NEUROD4: variants seen among roughly 807,000 people sequenced by gnomAD.
NEUROD4 encodes the protein neurogenic differentiation factor 4.
Under a neutral mutation model 19.8 loss-of-function variants are expected in NEUROD4, and 16 were observed. That is an observed-to-expected ratio of 0.81 (90% CI 0.55 to 1.23). NEUROD4 has a LOEUF of 1.23. Among genes scored for constraint, NEUROD4 ranks in the 50% most tolerant of loss-of-function variants. The probability of loss-of-function intolerance (pLI) is 0.00; values close to 1 mark genes in which losing one functional copy is unlikely to be tolerated. For synonymous variants in NEUROD4, 153 were observed against 147.9 expected (o/e 1.03, Z -0.25); for missense variants, 439 against 398.6 (o/e 1.10, Z -0.86).
In NEUROD4 at chr12:55,027,511, A is replaced by G. The variant is rs546168911; in HGVS notation, c.*76A>G. ...TTCAAGTGGTTGAGCTAAAGATTCAATGACCTTAAAGGATCCCTATGGATA... is the reference window on the plus strand; with the variant it reads ...TTCAAGTGGTTGAGCTAAAGATTCAGTGACCTTAAAGGATCCCTATGGATA... On this transcript the variant is annotated 3_prime_UTR_variant, in exon 2 of 2. Coordinates refer to ENST00000242994, the MANE Select transcript of NEUROD4 (RefSeq NM_021191.3). The G allele has an allele frequency of 5.8e-5, 80 of 1,388,928 alleles. 1 individual carries two copies. The African/African-American group carries it at 1.0e-3, about 17-fold the overall frequency. The allele number at this position is 1,388,928 out of a possible 1,614,324, so 86.0% of individuals were successfully genotyped here.
At position 55,026,943 on chromosome 12, in the gene NEUROD4, C is replaced by A. The variant is rs772872133; in HGVS notation, c.504C>A (p.Asn168Lys). ...LCKGLSQPTS[N>K]LVAGCLQLGP... Reference sequence around the variant, plus strand: ...AAGGGCTCTCTCAGCCCACAAGCAACCTGGTGGCTGGATGTCTCCAACTGG... The same window carrying A: ...AAGGGCTCTCTCAGCCCACAAGCAAACTGGTGGCTGGATGTCTCCAACTGG... The change falls in exon 2 of 2, where the codon AAC (asparagine) becomes AAA (lysine). Residue 168 changes from asparagine (N) to lysine (K), a missense_variant. Coordinates refer to ENST00000242994, the MANE Select transcript of NEUROD4 (RefSeq NM_021191.3). The A allele has an allele frequency of 3.1e-6, 5 of 1,614,162 alleles. No homozygotes were observed. The highest frequency in any genetic ancestry group is 3.3e-5 in the Admixed American group (2 of 60,018).
At chr12:55,024,150 A>C (rs1207899867) in intron 1 of NEUROD4, among the ~76,000 whole-genome samples, 4 of 152,066 alleles carry the variant, frequency 2.6e-5, no homozygotes, top group African/African-American at 9.7e-5. Flanking sequence ...AAAAAGGGGG[A>C]GGATGAGGAA....
At position 55,029,006 on chromosome 12, in the gene NEUROD4, C is replaced by T. The variant is rs894341178; in HGVS notation, c.*1571C>T. The T allele has an allele frequency of 9.6e-5, 16 of 166,904 alleles. No homozygotes were observed. Among genetic ancestry groups the T allele is most frequent in the African/African-American group, 3.9e-4 (16 of 41,382 alleles). The allele number at this position is 166,904 out of a possible 1,614,324, so 10.3% of individuals were successfully genotyped here. A position where few individuals can be genotyped will look rare whatever the true frequency, so the allele number is the denominator to read the frequency against. On this transcript the variant is annotated 3_prime_UTR_variant, in exon 2 of 2. Coordinates refer to ENST00000242994, the MANE Select transcript of NEUROD4 (RefSeq NM_021191.3). ...ATTTGATAGTAGATTAGGTCCTGCT[C>T]CTGCCAGAAAGGATAAGTTTAACAT... is the stretch of plus-strand genomic sequence containing the variant.
In NEUROD4 at chr12:55,029,265, A is replaced by G. The variant is rs955651976; in HGVS notation, c.*1830A>G. On this transcript the variant is annotated 3_prime_UTR_variant, in exon 2 of 2. Transcript: ENST00000242994. ...TAAATTCACTTGAAAGTAGCCTTGCAGAGAGATCTTAAGCCCCATCAGTCA... is the reference window on the plus strand; with the variant it reads ...TAAATTCACTTGAAAGTAGCCTTGCGGAGAGATCTTAAGCCCCATCAGTCA... 7 of 166,848 alleles carry G rather than the reference A, an allele frequency of 4.2e-5. No homozygotes were observed. Among genetic ancestry groups the G allele is most frequent in the African/African-American group, 1.7e-4 (7 of 41,434 alleles). 10.3% of individuals were successfully genotyped at this position (166,848 alleles called of 1,614,324 possible).
rs758070208 is a variant in NEUROD4, at chr12:55,026,510, G to A, written c.71G>A (p.Gly24Asp). The change falls in exon 2 of 2, where the codon GGT becomes GAT. Residue 24 changes from glycine to aspartate, a missense_variant. Gly to Asp is a moderately conservative substitution (Grantham distance 94). Coordinates refer to ENST00000242994, the MANE Select transcript of NEUROD4 (RefSeq NM_021191.3). The part of the protein sequence containing the change: ...LVNTPSWMDK[G>D]LGSQNEVKEE... ...AACACACCATCCTGGATGGATAAAG[G>A]TCTGGGCTCCCAAAATGAGGTGAAG... 1.9e-6 allele frequency: 3 copies of A among 1,614,034 alleles called. No homozygotes were observed. Among genetic ancestry groups the A allele is most frequent in the East Asian group, 2.2e-5 (1 of 44,874 alleles).
In NEUROD4 at chr12:55,029,189, T is replaced by A. The variant is rs1205543577; in HGVS notation, c.*1754T>A. On this transcript the variant is annotated 3_prime_UTR_variant, in exon 2 of 2. Coordinates refer to ENST00000242994, the MANE Select transcript of NEUROD4 (RefSeq NM_021191.3). ...CTCCATACAGTATAAGTTATTTTTT[T>A]TCCATTTTGCTCTCAGCACTTACCC... is the stretch of plus-strand genomic sequence containing the variant. 45 of 166,954 alleles carry A rather than the reference T, an allele frequency of 2.7e-4. No individual in the cohort carries two copies. The highest frequency in any genetic ancestry group is 2.9e-5 in the Non-Finnish European group (2 of 68,094). 10.3% of individuals were successfully genotyped at this position (166,954 alleles called of 1,614,324 possible).
chr12:55,026,372 T>G, intron 1 of NEUROD4, 59 bp from the exon 2 acceptor site: 1 of 1,443,578 alleles, frequency 6.9e-7, no homozygotes, highest in South Asian at 1.4e-5. Flanking sequence ...TAAAAAACTT[T>G]AGTTTCAAAT....
At chr12:55,020,708 C>T (rs558660448) in intron 1 of NEUROD4, among the ~76,000 whole-genome samples, 12 of 152,264 alleles carry the variant, frequency 7.9e-5, no homozygotes, top group African/African-American at 2.9e-4. Context: ...CAATCCACCA[C>T]TCTGCTCACA....
At chr12:55,022,902 G>C (rs1174168636) in intron 1 of NEUROD4, among the ~76,000 whole-genome samples, 1 of 152,066 alleles carries the variant, frequency 6.6e-6, no homozygotes, top group Non-Finnish European at 1.5e-5. Flanking sequence ...ATTAATAACA[G>C]ATTCTAATTA....
Position 55,027,186 on chromosome 12 carries a change from T to A in NEUROD4, c.747T>A (p.Tyr249Ter). 1 of 1,614,112 alleles carries A rather than the reference T, an allele frequency of 6.2e-7. No homozygotes were observed. Among genetic ancestry groups the A allele is most frequent in the Admixed American group, 1.7e-5 (1 of 60,014 alleles). The change falls in exon 2 of 2, where the codon TAT becomes TAA. Residue 249 changes from tyrosine to a stop codon, truncating the protein, a stop_gained. Transcript: ENST00000242994. LOFTEE classifies it high-confidence loss of function. ...TGCCTGACTGCAGTACACCCCCTTATGAGGGCCCACTCACTCCACCCCTGA... is the reference window on the plus strand; with the variant it reads ...TGCCTGACTGCAGTACACCCCCTTAAGAGGGCCCACTCACTCCACCCCTGA... ...SHLPDCSTPP[Y>*]EGPLTPPLSI...
intron 1 of NEUROD4, among the ~76,000 whole-genome samples, chr12:55,024,728 G>A (rs1952707544): frequency 6.6e-6 from 1 of 152,192 alleles, no homozygotes; most frequent in African/African-American, 2.4e-5. Flanking sequence ...TGGGCAGCTA[G>A]TTGACCAATA....
chr12:55,025,984 T>G (rs2136240120), intron 1 of NEUROD4, among the ~76,000 whole-genome samples: 1 of 152,294 alleles, frequency 6.6e-6, no homozygotes, highest in African/African-American at 2.4e-5. Flanking sequence ...ATTTGATGGG[T>G]TTTTTATTTT....
rs778420368 is a variant in NEUROD4, at chr12:55,027,224, A to G, written c.785A>G (p.Asn262Ser). Reference protein sequence around the residue: ...PLTPPLSISGNFSLKQDGSPD... With the variant: ...PLTPPLSISGSFSLKQDGSPD... ...ACTCCACCCCTGAGCATCAGTGGGA[A>G]CTTCTCCTTGAAGCAAGATGGGTCT... Residue 262 changes from asparagine to serine, a missense_variant, in exon 2 of 2, where the codon AAC (asparagine) becomes AGC (serine). Coordinates refer to ENST00000242994, the MANE Select transcript of NEUROD4 (RefSeq NM_021191.3). The G allele has an allele frequency of 6.2e-7, 1 of 1,614,124 alleles. No individual in the cohort carries two copies. The highest frequency in any genetic ancestry group is 8.5e-7 in the Non-Finnish European group (1 of 1,180,006).
Position 55,028,357 on chromosome 12 carries a change from T to G in NEUROD4, c.*922T>G, listed in dbSNP as rs1319092590. 1 of 167,090 alleles carries G rather than the reference T, an allele frequency of 6.0e-6. No homozygotes were observed. The highest frequency in any genetic ancestry group is 1.5e-5 in the Non-Finnish European group (1 of 68,132). 10.4% of individuals were successfully genotyped at this position (167,090 alleles called of 1,614,324 possible). ...TCCATAACCAGAGGGCTCTGGAACT[T>G]CTGATGAAGCTCAGGTGCTGCTGTT... On this transcript the variant is annotated 3_prime_UTR_variant, in exon 2 of 2. Coordinates refer to ENST00000242994, the MANE Select transcript of NEUROD4 (RefSeq NM_021191.3).
intron 1 of NEUROD4, among the ~76,000 whole-genome samples, chr12:55,023,700 G>A (rs1952692272): frequency 6.6e-6 from 1 of 152,158 alleles, no homozygotes; most frequent in African/African-American, 2.4e-5. Context: ...AGTTAAACTG[G>A]AGCCATCTGT....
Position 55,026,841 on chromosome 12 carries a change from C to T in NEUROD4, c.402C>T (p.Asn134=). The T allele has an allele frequency of 6.2e-7, 1 of 1,614,098 alleles. No individual in the cohort carries two copies. Among genetic ancestry groups the T allele is most frequent in the Non-Finnish European group, 8.5e-7 (1 of 1,180,006 alleles). The part of the protein sequence containing the change: ...SKIETLRLAR[N]YIWALSEVLE... ...TAGAGACTCTTAGACTGGCCAGGAA[C>T]TATATTTGGGCTTTATCTGAAGTCC... Residue 134 remains asparagine, a synonymous_variant, in exon 2 of 2, where the codon AAC becomes AAT. Coordinates refer to ENST00000242994, the MANE Select transcript of NEUROD4 (RefSeq NM_021191.3).
At chr12:55,020,544 T>C (rs917257786) in intron 1 of NEUROD4, among the ~76,000 whole-genome samples, 4 of 152,220 alleles carry the variant, frequency 2.6e-5, no homozygotes, top group African/African-American at 7.2e-5. Context: ...GTGAAACACA[T>C]AGACACTCAC....
rs2136237593 is a variant in NEUROD4, at chr12:55,020,042, G to A, written c.-281G>A. On this transcript the variant is annotated 5_prime_UTR_variant, in exon 1 of 2. Transcript: ENST00000242994. ...TCTCCGGGGAGCTAACCAGGGAGAGGAGGTACTGAAGAGCGACTAAACTGG... is the reference window on the plus strand; with the variant it reads ...TCTCCGGGGAGCTAACCAGGGAGAGAAGGTACTGAAGAGCGACTAAACTGG... The A allele has an allele frequency of 6.6e-6, 1 of 152,492 alleles. No homozygotes were observed. The highest frequency in any genetic ancestry group is 2.1e-4 in the South Asian group (1 of 4,836). The allele number at this position is 152,492 out of a possible 1,614,324, so 9.4% of individuals were successfully genotyped here.
rs1209835862 is a variant in NEUROD4, at chr12:55,028,554, C to T, written c.*1119C>T. ...TTTGGTTAAACGTGATTAAAACCAT[C>T]CACCTCTGTCCACACCAATATATTT... On this transcript the variant is annotated 3_prime_UTR_variant, in exon 2 of 2. Transcript: ENST00000242994. 1 of 167,026 alleles carries T rather than the reference C, an allele frequency of 6.0e-6. No homozygotes were observed. The highest frequency in any genetic ancestry group is 1.9e-4 in the East Asian group (1 of 5,202). The allele number at this position is 167,026 out of a possible 1,614,324, so 10.3% of individuals were successfully genotyped here. A position where few individuals can be genotyped will look rare whatever the true frequency, so the allele number is the denominator to read the frequency against.
Sources: allele counts gnomAD v4.1 joint callset (sites outside exome capture counted in the v4.1 genomes callset), GRCh38; gene constraint gnomAD v4.1.1; transcripts MANE v1.5; gene names NCBI Gene and HGNC (gene_info 2026-07-23, HGNC 2026-07-21).